PDE1A: variants seen among roughly 807,000 people sequenced by gnomAD.
PDE1A encodes the protein dual specificity calcium/calmodulin-dependent 3',5'-cyclic nucleotide phosphodiesterase 1A.
PDE1A carries 35 observed loss-of-function variants against 61.7 expected under a neutral mutation model. That is an observed-to-expected ratio of 0.57 (90% confidence interval 0.43 to 0.75). The LOEUF (loss-of-function observed/expected upper bound fraction) is 0.75. PDE1A is among the 30% of genes least tolerant of loss of function. PDE1A has a pLI of 0.00. For missense variants in PDE1A, 597 were observed against 630.6 expected, an observed-to-expected ratio of 0.95 and a Z score of 0.57; for synonymous variants, 232 against 213.2, an observed-to-expected ratio of 1.09 and a Z score of -0.77.
the PDE1A span, among the ~76,000 whole-genome samples, chr2:182,662,082 G>A: frequency 6.6e-6 from 1 of 151,800 alleles, no homozygotes; most frequent in East Asian, 1.9e-4. Context: ...GGGAGAGGGG[G>A]CTTACCCTAC....
At chr2:182,514,283 C>A in intron 2 of PDE1A, among the ~76,000 whole-genome samples, 1 of 152,132 alleles carries the variant, frequency 6.6e-6, no homozygotes, top group East Asian at 1.9e-4. Context: ...CAATGTTATT[C>A]CTATCAAACT....
chr2:182,344,737 GTC>G (rs907339953), intron 1 of PDE1A, among the ~76,000 whole-genome samples: 17 of 100,976 alleles, frequency 1.7e-4, no homozygotes, highest in East Asian at 2.7e-4. Flanking sequence ...CTGTCTCTCT[GTC>G]TCTCTCTCTC....
the PDE1A span, among the ~76,000 whole-genome samples, chr2:182,629,087 G>T: frequency 6.6e-6 from 1 of 152,150 alleles, no homozygotes; most frequent in Admixed American, 6.5e-5. Context: ...CATAAGGGTG[G>T]CCTCCAGCCA....
chr2:182,396,152 G>C (rs1452878841), intron 1 of PDE1A, among the ~76,000 whole-genome samples: 1 of 152,210 alleles, frequency 6.6e-6, no homozygotes, highest in Non-Finnish European at 1.5e-5. Context: ...CTCATGTGGA[G>C]CTGACAGAGG....
At chr2:182,525,431 T>C (rs1396587200), upstream of PDE1A, among the ~76,000 whole-genome samples, 1 of 152,158 alleles carries the variant, frequency 6.6e-6, no homozygotes, top group Non-Finnish European at 1.5e-5. Context: ...TAAGGTTATA[T>C]TGGCTGATGT....
chr2:182,534,468 GCTAA>G, the PDE1A span, among the ~76,000 whole-genome samples: 3 of 151,834 alleles, frequency 2.0e-5, no homozygotes, highest in Non-Finnish European at 4.4e-5. Context: ...TTCAGAGGAT[GCTAA>G]CTAATAATGG....
the PDE1A span, among the ~76,000 whole-genome samples, chr2:182,580,172 T>C: frequency 6.6e-6 from 1 of 152,192 alleles, no homozygotes; most frequent in Non-Finnish European, 1.5e-5. Context: ...TTGGCCAAAA[T>C]GGTATATTGA....
At chr2:182,655,265 C>G in the PDE1A span, among the ~76,000 whole-genome samples, 1 of 152,296 alleles carries the variant, frequency 6.6e-6, no homozygotes, top group East Asian at 1.9e-4. Flanking sequence ...GCTTCTAACT[C>G]CATTCCTCAA....
chr2:182,259,703 T>C (rs1692086836), intron 2 of PDE1A, among the ~76,000 whole-genome samples: 1 of 152,182 alleles, frequency 6.6e-6, no homozygotes, highest in African/African-American at 2.4e-5. Context: ...ATGAGACAGA[T>C]TGGTTCATGT....
At chr2:182,282,133 C>A (rs1326052777) in intron 1 of PDE1A, among the ~76,000 whole-genome samples, 1 of 151,864 alleles carries the variant, frequency 6.6e-6, no homozygotes, top group East Asian at 1.9e-4. Context: ...TCACCTCTAA[C>A]TCTTACAGAA....
chr2:182,672,906 A>G, the PDE1A span, among the ~76,000 whole-genome samples: 2 of 152,164 alleles, frequency 1.3e-5, no homozygotes, highest in Non-Finnish European at 2.9e-5. Flanking sequence ...CCTACCTCAG[A>G]TTGAGAATCC....
chr2:182,264,444 A>C (rs765566219), intron 1 of PDE1A, 30 bp from the exon 2 acceptor site: 1 of 1,499,754 alleles, frequency 6.7e-7, no homozygotes, highest in East Asian at 2.3e-5. Context: ...AAAGAGAGAA[A>C]GAGCAAGGAA....
At chr2:182,650,529 A>C in the PDE1A span, among the ~76,000 whole-genome samples, 1 of 152,220 alleles carries the variant, frequency 6.6e-6, no homozygotes, top group African/African-American at 2.4e-5. Context: ...GGGAAGAACC[A>C]GGCTACTTGA....
At chr2:182,701,065 T>C in the PDE1A span, among the ~76,000 whole-genome samples, 26 of 152,214 alleles carry the variant, frequency 1.7e-4, no homozygotes, top group Non-Finnish European at 3.1e-4. Context: ...GATGGAGTCT[T>C]GCTCTGTTGC....
At chr2:182,329,397 T>TA (rs199991405) in intron 1 of PDE1A, among the ~76,000 whole-genome samples, 1,685 of 151,306 alleles carry the variant, frequency 0.011, 25 homozygotes, top group South Asian at 0.069. Flanking sequence ...ATTTTATTAT[T>TA]TTTTTTTTGG....
chr2:182,423,052 G>A (rs1703380034), intron 1 of PDE1A, among the ~76,000 whole-genome samples: 1 of 152,158 alleles, frequency 6.6e-6, no homozygotes, highest in Admixed American at 6.6e-5. Flanking sequence ...GTGCCCAAAA[G>A]GCACTCACCA....
chr2:182,535,811 C>A, the PDE1A span, among the ~76,000 whole-genome samples: 1 of 152,104 alleles, frequency 6.6e-6, no homozygotes, highest in African/African-American at 2.4e-5. Context: ...TAATGCATAT[C>A]CCCATGTTTG....
chr2:182,380,303 G>A (rs1181369366), intron 1 of PDE1A, among the ~76,000 whole-genome samples: 1 of 151,624 alleles, frequency 6.6e-6, no homozygotes, highest in African/African-American at 2.4e-5. Flanking sequence ...TAGTAGAGAC[G>A]GGGTTTCACC....
chr2:182,675,751 T>C, the PDE1A span, among the ~76,000 whole-genome samples: 2 of 152,210 alleles, frequency 1.3e-5, no homozygotes, highest in Non-Finnish European at 2.9e-5. Context: ...CACATGCATG[T>C]CTTCTTCTGA....
Sources: allele counts gnomAD v4.1 joint callset (sites outside exome capture counted in the v4.1 genomes callset), GRCh38; gene constraint gnomAD v4.1.1; transcripts MANE v1.5; gene names NCBI Gene and HGNC (gene_info 2026-07-23, HGNC 2026-07-21).